Variants in RGS20 observed in about 807,000 individuals in gnomAD.
RGS20 encodes gz-selective GTPase-activating protein.
Under a neutral mutation model 33.6 loss-of-function variants are expected in RGS20, and 30 were observed. That is an observed-to-expected ratio of 0.89 (90% CI 0.67 to 1.21). The LOEUF (loss-of-function observed/expected upper bound fraction) is 1.21, where lower values mean the gene tolerates loss of function less well. Among genes scored for constraint, RGS20 ranks in the 50% most tolerant of loss-of-function variants. RGS20 has a pLI of 0.00. For synonymous variants in RGS20, 208 were observed against 197.9 expected, an observed-to-expected ratio of 1.05 and a Z score of -0.43; for missense variants, 472 against 502.4, an observed-to-expected ratio of 0.94 and a Z score of 0.58.
intron 2 of RGS20, among the ~76,000 whole-genome samples, chr8:53,909,209 G>GTGTATGTATATATA (rs1242600309): frequency 2.3e-5 from 1 of 43,720 alleles, no homozygotes; most frequent in African/African-American, 1.1e-4. Context: ...TGGTATGTGT[G>GTGTATGTATATATA]TATATATATA....
chr8:53,907,935 A>G (rs1813232069), intron 2 of RGS20, among the ~76,000 whole-genome samples: 1 of 152,118 alleles, frequency 6.6e-6, no homozygotes, highest in African/African-American at 2.4e-5. Context: ...TGACCCTGAA[A>G]TACTCACAAT....
intron 3 of RGS20, among the ~76,000 whole-genome samples, chr8:53,942,266 T>C (rs1375902198): frequency 2.0e-5 from 3 of 151,354 alleles, no homozygotes; most frequent in African/African-American, 7.3e-5. Flanking sequence ...AGAGCAAAAC[T>C]CCATCTCAAA....
chr8:53,944,537 C>CAA (rs762040506), intron 3 of RGS20, among the ~76,000 whole-genome samples: 1,381 of 108,322 alleles, frequency 0.013, 37 homozygotes, highest in Admixed American at 0.063. Context: ...GACCCCGTCT[C>CAA]AAAAAAAAAA....
At chr8:53,868,739 A>T (rs1811982727) in intron 1 of RGS20, among the ~76,000 whole-genome samples, 1 of 152,038 alleles carries the variant, frequency 6.6e-6, no homozygotes, top group Non-Finnish European at 1.5e-5. Flanking sequence ...ATAAGAAAAT[A>T]TAGCAGTTTG....
intron 2 of RGS20, chr8:53,880,148 TGCGAGTCCGGAGA>T (rs1302378940): frequency 6.5e-6 from 1 of 152,686 alleles, no homozygotes; most frequent in Admixed American, 6.5e-5. Context: ...CACGCGGTGC[TGCGAGTCCGGAGA>T]GCTGGGCGGC....
In RGS20 at chr8:53,937,257, G is replaced by A. The variant is rs184165224; in HGVS notation, c.511-2319G>A. Among the ~76,000 whole-genome samples the A allele has an allele frequency of 3.5e-3, 525 of 151,888 alleles. 3 individuals are homozygous for A. The highest frequency in any genetic ancestry group is 0.012 in the African/African-American group (485 of 41,442). On this transcript the variant is annotated intron_variant, in intron 2 of 5. Coordinates refer to ENST00000297313, the MANE Select transcript of RGS20 (RefSeq NM_170587.4). ...GTATACATATGTAACAAACCTGCAC[G>A]TTGTGCACATGTACCCTAGAACTTA...
intron 1 of RGS20, among the ~76,000 whole-genome samples, chr8:53,862,230 G>T (rs1811825377): frequency 6.6e-6 from 1 of 151,672 alleles, no homozygotes; most frequent in South Asian, 2.1e-4. Flanking sequence ...TTTAAAAAAA[G>T]AAACAAAAGT....
chr8:53,895,117 C>A (rs950330164), intron 2 of RGS20, among the ~76,000 whole-genome samples: 1 of 152,026 alleles, frequency 6.6e-6, no homozygotes, highest in Non-Finnish European at 1.5e-5. Context: ...GGATGCAGTG[C>A]AGGCCTGGCG....
chr8:53,953,332 G>A (rs1814764377), intron 4 of RGS20, among the ~76,000 whole-genome samples: 2 of 152,130 alleles, frequency 1.3e-5, no homozygotes, highest in African/African-American at 4.8e-5. Context: ...AGCAGCCTAG[G>A]CAACATAGTA....
At position 53,939,651 on chromosome 8, in the gene RGS20, G is replaced by A; in HGVS notation, c.586G>A (p.Gly196Ser). 1 of 1,595,256 alleles carries A rather than the reference G, an allele frequency of 6.3e-7. No homozygotes were observed. Among genetic ancestry groups the A allele is most frequent in the Non-Finnish European group, 8.5e-7 (1 of 1,171,832 alleles). Reference sequence around the variant, plus strand: ...CCAGGACACACCAGGCGCCGCCCCAGGCCAGCCCGGAGCGGGGAGTCGCGG... The same window carrying A: ...CCAGGACACACCAGGCGCCGCCCCAAGCCAGCCCGGAGCGGGGAGTCGCGG... Residue 196 changes from glycine (G) to serine (S), a missense_variant, in exon 3 of 6, where the codon GGC becomes AGC. Coordinates refer to ENST00000297313, the MANE Select transcript of RGS20 (RefSeq NM_170587.4).
chr8:53,889,870 T>C (rs1320544250), intron 2 of RGS20, among the ~76,000 whole-genome samples: 1 of 152,154 alleles, frequency 6.6e-6, no homozygotes, highest in Non-Finnish European at 1.5e-5. Flanking sequence ...AGGTAGCCTG[T>C]TGTTATCCTC....
intron 2 of RGS20, chr8:53,881,028 G>A (rs1232264285): frequency 3.0e-5 from 47 of 1,586,584 alleles, no homozygotes; most frequent in Non-Finnish European, 3.8e-5. Context: ...GCGCACGGCG[G>A]ACGGAGGCGA....
Position 53,869,010 on chromosome 8 carries a change from C to A in RGS20, c.166-10248C>A, listed in dbSNP as rs7006886. Among the ~76,000 whole-genome samples the A allele has an allele frequency of 1.8e-3, 272 of 152,306 alleles. 2 individuals carry two copies. The highest frequency in any genetic ancestry group is 5.7e-3 in the African/African-American group (235 of 41,562). Reference sequence around the variant, plus strand: ...TCAGGTGATCTGCCCACCTCAGCCTCCCAAAGTGCTGAGATTATAGGCATG... The same window carrying A: ...TCAGGTGATCTGCCCACCTCAGCCTACCAAAGTGCTGAGATTATAGGCATG... On this transcript the variant is annotated intron_variant, in intron 1 of 5. Transcript: ENST00000297313.
chr8:53,879,714 G>C, intron 2 of RGS20: 1 of 961,942 alleles, frequency 1.0e-6, no homozygotes, highest in South Asian at 2.1e-5. Context: ...GCAGTAGGGA[G>C]GGTGGCAAGG....
At chr8:53,947,595 T>C (rs1814546848) in intron 4 of RGS20, among the ~76,000 whole-genome samples, 2 of 123,680 alleles carry the variant, frequency 1.6e-5, no homozygotes, top group Non-Finnish European at 3.3e-5. Flanking sequence ...ATATGCTATA[T>C]ATAGGATATA....
At chr8:53,854,534 C>T (rs1435637666) in intron 1 of RGS20, among the ~76,000 whole-genome samples, 1 of 151,982 alleles carries the variant, frequency 6.6e-6, no homozygotes, top group Non-Finnish European at 1.5e-5. Context: ...TATCACTACA[C>T]ACCGAGAAGA....
intron 1 of RGS20, among the ~76,000 whole-genome samples, chr8:53,857,203 T>C (rs918749348): frequency 4.6e-5 from 7 of 152,212 alleles, no homozygotes; most frequent in African/African-American, 1.4e-4. Context: ...AAAGGGCTCA[T>C]TTGGAAGTCA....
intron 2 of RGS20, among the ~76,000 whole-genome samples, chr8:53,935,501 C>T (rs1459872305): frequency 2.6e-5 from 4 of 152,134 alleles, no homozygotes; most frequent in Non-Finnish European, 4.4e-5. Context: ...ACTAGAAAAT[C>T]TAGAAGAAAC....
intron 3 of RGS20, 42 bp from the exon 3 acceptor site, chr8:53,946,623 C>A: frequency 1.4e-6 from 2 of 1,473,868 alleles, no homozygotes; most frequent in East Asian, 2.3e-5. Flanking sequence ...CTTTTCTTGG[C>A]AGGGACTGAG....
Sources: allele counts gnomAD v4.1 joint callset (sites outside exome capture counted in the v4.1 genomes callset), GRCh38; gene constraint gnomAD v4.1.1; transcripts MANE v1.5; gene names NCBI Gene and HGNC (gene_info 2026-07-23, HGNC 2026-07-21).